ADAMTS19: variants seen among roughly 807,000 people sequenced by gnomAD.
The protein encoded by ADAMTS19 is A disintegrin and metalloproteinase with thrombospondin motifs 19.
ADAMTS19 carries 93 observed loss-of-function variants against 153.3 expected under a neutral mutation model. The ratio of observed to expected loss-of-function variants is 0.61; its 90% confidence interval spans 0.51 to 0.72. ADAMTS19 has a LOEUF of 0.72. Ranked by LOEUF, ADAMTS19 falls within the 30% of genes least tolerant of loss-of-function variation. The pLI, the probability that ADAMTS19 is intolerant of heterozygous loss-of-function variation, is 0.00. For synonymous variants in ADAMTS19, 600 were observed against 556.6 expected (o/e 1.08, Z -1.10); for missense variants, 1,482 against 1,552.1 (o/e 0.95, Z 0.76).
At chr5:129,704,209 T>C in intron 20 of ADAMTS19, 30 bp from the exon 21 acceptor site, 1 of 1,601,584 alleles carries the variant, frequency 6.2e-7, no homozygotes, top group Non-Finnish European at 8.5e-7. Context: ...TTCACCAACT[T>C]TATCTAAAAC....
intron 8 of ADAMTS19, among the ~76,000 whole-genome samples, chr5:129,604,461 G>A (rs1201685456): frequency 6.6e-6 from 1 of 152,094 alleles, no homozygotes; most frequent in Non-Finnish European, 1.5e-5. Context: ...ATGCACATTT[G>A]TTCATCTGTT....
chr5:129,551,896 G>A lies in ADAMTS19; in HGVS notation c.1361G>A (p.Cys454Tyr). The part of the protein sequence containing the change: ...KDFCVHKDEP[C>Y]DTVGIAYLSG... ...TTCTGTGTGCACAAAGATGAACCATGTGATACTGTTGGTAAGTGTGAAAAT... is the reference window on the plus strand; with the variant it reads ...TTCTGTGTGCACAAAGATGAACCATATGATACTGTTGGTAAGTGTGAAAAT... Residue 454 changes from cysteine to tyrosine, a missense_variant, in exon 7 of 23, where the codon TGT becomes TAT. Coordinates refer to ENST00000274487, the MANE Select transcript of ADAMTS19 (RefSeq NM_133638.6). 6.3e-7 allele frequency: 1 copy of A among 1,578,386 alleles called. No individual in the cohort carries two copies. Among genetic ancestry groups the A allele is most frequent in the Non-Finnish European group, 8.6e-7 (1 of 1,164,154 alleles).
At position 129,460,627 on chromosome 5, in the gene ADAMTS19, A is replaced by C. The variant is rs1044669328; in HGVS notation, c.91+145A>C. 4.8e-6 allele frequency: 4 copies of C among 827,278 alleles called. No homozygotes were observed. The African/African-American group carries it at 5.0e-5, about 10-fold the overall frequency. The allele number at this position is 827,278 out of a possible 1,614,324, so 51.2% of individuals were successfully genotyped here. A position where few individuals can be genotyped will look rare whatever the true frequency, so the allele number is the denominator to read the frequency against. On this transcript the variant is annotated intron_variant, in intron 1 of 22. Coordinates refer to ENST00000274487, the MANE Select transcript of ADAMTS19 (RefSeq NM_133638.6). ...TAAAAATGAGCTTGAGGTGCAGGTT[A>C]AGGGGTCAAGTTCGGAAATGAAGCA...
In ADAMTS19 at chr5:129,701,391, G is replaced by A. The variant is rs1413699547; in HGVS notation, c.2958G>A (p.Trp986Ter). 1.2e-6 allele frequency: 2 copies of A among 1,614,076 alleles called. No individual in the cohort carries two copies. Among genetic ancestry groups the A allele is most frequent in the African/African-American group, 2.7e-5 (2 of 74,922 alleles). The change falls in exon 20 of 23, where the codon TGG (tryptophan) becomes TGA (stop). Residue 986 changes from tryptophan to a stop codon, truncating the protein, a stop_gained. Coordinates refer to ENST00000274487, the MANE Select transcript of ADAMTS19 (RefSeq NM_133638.6). LOFTEE classifies it high-confidence loss of function. ...KCNEQPCQTR[W>*]MMTEWTPCSR... ...GTGACTCTTGCTTTACTTTCAGGTG[G>A]ATGATGACAGAATGGACCCCTTGTT...
intron 6 of ADAMTS19, among the ~76,000 whole-genome samples, chr5:129,550,522 A>G (rs1314275505): frequency 6.7e-6 from 1 of 149,790 alleles, no homozygotes; most frequent in Non-Finnish European, 1.5e-5. Flanking sequence ...ATATCTGTAT[A>G]TATATACATA....
intron 18 of ADAMTS19, among the ~76,000 whole-genome samples, chr5:129,688,924 T>C (rs1327842667): frequency 1.3e-5 from 2 of 152,200 alleles, no homozygotes; most frequent in Non-Finnish European, 2.9e-5. Flanking sequence ...ATCAGTTTGC[T>C]ACAAGGTTCC....
chr5:129,680,749 G>C (rs930918127), intron 17 of ADAMTS19, among the ~76,000 whole-genome samples: 1 of 145,770 alleles, frequency 6.9e-6, no homozygotes, highest in Non-Finnish European at 1.5e-5. Flanking sequence ...GTGACAGAGG[G>C]AGACTCTGTC....
chr5:129,707,164 T>C (rs2127172813), intron 21 of ADAMTS19, among the ~76,000 whole-genome samples: 1 of 152,340 alleles, frequency 6.6e-6, no homozygotes, highest in Admixed American at 6.5e-5. Flanking sequence ...GGCTGACTTT[T>C]TGCATATGTG....
chr5:129,707,595 G>A (rs772280785), intron 21 of ADAMTS19, among the ~76,000 whole-genome samples: 3 of 152,114 alleles, frequency 2.0e-5, no homozygotes, highest in Non-Finnish European at 4.4e-5. Flanking sequence ...AATAATGAAT[G>A]CCATGATTAA....
intron 2 of ADAMTS19, among the ~76,000 whole-genome samples, chr5:129,472,188 C>T (rs1362740494): frequency 6.6e-6 from 1 of 152,174 alleles, no homozygotes; most frequent in African/African-American, 2.4e-5. Flanking sequence ...TATAAGCATT[C>T]GTTTTTCTCT....
chr5:129,460,523 C>T lies in ADAMTS19; in HGVS notation c.91+41C>T, dbSNP rs757445887. 5.0e-6 allele frequency: 8 copies of T among 1,612,044 alleles called. No homozygotes were observed. The Admixed American group carries it at 1.2e-4, about 24-fold the overall frequency. Reference sequence around the variant, plus strand: ...ACTTTCTCGCTTCCTTTCCAGCCATCCCAGCGGAGACCGCGAACGTACGGG... The same window carrying T: ...ACTTTCTCGCTTCCTTTCCAGCCATTCCAGCGGAGACCGCGAACGTACGGG... On this transcript the variant is annotated intron_variant, in intron 1 of 22. Transcript: ENST00000274487.
In ADAMTS19 at chr5:129,633,259, C is replaced by T. The variant is rs1752386339; in HGVS notation, c.1771-8600C>T. ...AAACTTTTCTCTTGAGATATCTTTT[C>T]ATTTATTACAAGCCAATTTCCGTTA... On this transcript the variant is annotated intron_variant, in intron 10 of 22. Coordinates refer to ENST00000274487, the MANE Select transcript of ADAMTS19 (RefSeq NM_133638.6). Among the ~76,000 whole-genome samples, 3 of 152,008 alleles carry T rather than the reference C, an allele frequency of 2.0e-5. No homozygotes were observed. The South Asian group carries it at 6.2e-4, about 31-fold the overall frequency.
chr5:129,661,060 A>C (rs998134405), intron 15 of ADAMTS19, among the ~76,000 whole-genome samples: 9 of 152,340 alleles, frequency 5.9e-5, no homozygotes, highest in Non-Finnish European at 1.2e-4. Flanking sequence ...GATATCACGT[A>C]GTTCTCAGTT....
intron 6 of ADAMTS19, among the ~76,000 whole-genome samples, chr5:129,539,591 T>C (rs1181401352): frequency 6.6e-6 from 1 of 152,074 alleles, no homozygotes; most frequent in Non-Finnish European, 1.5e-5. Context: ...TCTGCATCAT[T>C]TGTGAGGGGG....
At chr5:129,671,300 G>C (rs1442222542) in intron 16 of ADAMTS19, among the ~76,000 whole-genome samples, 2 of 152,018 alleles carry the variant, frequency 1.3e-5, no homozygotes, top group Non-Finnish European at 2.9e-5. Context: ...TGTTGATAGA[G>C]GATAAAAATT....
chr5:129,648,722 A>C, intron 12 of ADAMTS19, 76 bp from the exon 13 acceptor site: 1 of 1,205,554 alleles, frequency 8.3e-7, no homozygotes, highest in Non-Finnish European at 1.2e-6. Context: ...TATTATTAAT[A>C]TAATGGCTTT....
chr5:129,658,317 GAA>G (rs1554103305), intron 14 of ADAMTS19, among the ~76,000 whole-genome samples: 1 of 38,436 alleles, frequency 2.6e-5, no homozygotes, highest in African/African-American at 7.3e-5. Context: ...GAAAAAGAAA[GAA>G]AGAAAGAAAG....
chr5:129,491,213 AG>A (rs751300975), intron 2 of ADAMTS19, among the ~76,000 whole-genome samples: 14 of 152,100 alleles, frequency 9.2e-5, no homozygotes, highest in Non-Finnish European at 1.8e-4. Flanking sequence ...CATGTCAGCC[AG>A]GATGGTCTCG....
At position 129,663,373 on chromosome 5, in the gene ADAMTS19, T is replaced by G. The variant is rs1753904271; in HGVS notation, c.2426-2126T>G. On this transcript the variant is annotated intron_variant, in intron 15 of 22. Coordinates refer to ENST00000274487, the MANE Select transcript of ADAMTS19 (RefSeq NM_133638.6). The stretch of plus-strand genomic sequence containing the variant: ...GTCAATAGCATGACTTTTCTCTAGA[T>G]TCCAGATGTTACAGAGTTCTTACTG... Among the ~76,000 whole-genome samples the G allele has an allele frequency of 2.0e-5, 3 of 152,196 alleles. No individual in the cohort carries two copies. In the South Asian group the frequency reaches 6.2e-4, roughly 32 times the overall value.
Sources: gnomAD v4.1 joint callset for allele counts (sites outside exome capture counted in the v4.1 genomes callset) on GRCh38, gnomAD v4.1.1 for gene constraint, MANE v1.5 for transcripts, NCBI Gene and HGNC (gene_info 2026-07-23, HGNC 2026-07-21) for gene names.